The following PRKN variants were observed in gnomAD, a reference collection of about 807,000 sequenced individuals.
PRKN encodes E3 ubiquitin-protein ligase parkin.
A neutral mutation model predicts 59.5 loss-of-function variants in PRKN; 56 were observed. The observed-to-expected ratio is 0.94, with a 90% CI of 0.76 to 1.18. PRKN has a LOEUF of 1.18. Ranked by LOEUF, PRKN falls within the 50% of genes most tolerant of loss-of-function variation. The pLI is 0.00. For missense variants in PRKN, 657 were observed against 596.4 expected (o/e 1.10, Z -1.06); for synonymous variants, 250 against 222.1 (o/e 1.13, Z -1.12).
chr6:161,601,189 C>A (rs79677270), intron 7 of PRKN, among the ~76,000 whole-genome samples: 2 of 152,030 alleles, frequency 1.3e-5, no homozygotes, highest in South Asian at 2.1e-4. Context: ...CAGGCTATTA[C>A]GACAAAATAC....
intron 2 of PRKN, among the ~76,000 whole-genome samples, chr6:162,310,193 C>G (rs1367567792): frequency 1.3e-5 from 2 of 152,076 alleles, no homozygotes; most frequent in Non-Finnish European, 2.9e-5. Context: ...TTTTTGCCAC[C>G]AACTTAGGAT....
At chr6:161,779,440 C>T (rs151124091) in intron 7 of PRKN, among the ~76,000 whole-genome samples, 937 of 41,714 alleles carry the variant, frequency 0.022, 8 homozygotes, top group Non-Finnish European at 0.03. Flanking sequence ...CTTTTCTTTT[C>T]TTTTTTTTTT....
At chr6:161,964,492 A>C (rs947489291) in intron 6 of PRKN, among the ~76,000 whole-genome samples, 2 of 152,054 alleles carry the variant, frequency 1.3e-5, no homozygotes, top group African/African-American at 4.8e-5. Flanking sequence ...GGCCTGGGGC[A>C]CAGTGTGAAG....
chr6:162,422,954 C>CAAAA (rs61557917), intron 2 of PRKN, among the ~76,000 whole-genome samples: 174 of 65,678 alleles, frequency 2.6e-3, no homozygotes, highest in Non-Finnish European at 3.7e-3. Context: ...TCCAAGAGAC[C>CAAAA]AAAAAAAAAA....
At chr6:162,374,535 ATTTGTTTG>A (rs199642049) in intron 2 of PRKN, among the ~76,000 whole-genome samples, 1 of 151,224 alleles carries the variant, frequency 6.6e-6, no homozygotes, top group African/African-American at 2.4e-5. Flanking sequence ...TTATTTATTT[ATTTGTTTG>A]TTTGTTTATT....
intron 9 of PRKN, among the ~76,000 whole-genome samples, chr6:161,477,653 G>C (rs1791170577): frequency 1.3e-5 from 2 of 152,254 alleles, no homozygotes; most frequent in Middle Eastern, 6.8e-3. Flanking sequence ...AGTGTGAAAG[G>C]ATAAGTTGTT....
intron 3 of PRKN, among the ~76,000 whole-genome samples, chr6:162,248,536 C>T (rs987397677): frequency 6.6e-6 from 1 of 152,064 alleles, no homozygotes; most frequent in African/African-American, 2.4e-5. Context: ...AAGGAGTGTG[C>T]CAGATACTCT....
chr6:162,654,848 G>C (rs1313490774), intron 1 of PRKN, among the ~76,000 whole-genome samples: 1 of 152,006 alleles, frequency 6.6e-6, no homozygotes, highest in East Asian at 1.9e-4. Flanking sequence ...AGTGAAGTGG[G>C]GGGGGAAATC....
chr6:161,881,201 T>G (rs1189047086), intron 6 of PRKN, among the ~76,000 whole-genome samples: 1 of 152,120 alleles, frequency 6.6e-6, no homozygotes, highest in Non-Finnish European at 1.5e-5. Context: ...ACACATGTCA[T>G]CCTAATGCCC....
At position 161,592,767 on chromosome 6, in the gene PRKN, G is replaced by C. The variant is rs1781769785; in HGVS notation, c.872-23351C>G. Among the ~76,000 whole-genome samples the C allele has an allele frequency of 6.6e-6, 1 of 152,132 alleles. No homozygotes were observed. Among genetic ancestry groups the C allele is most frequent in the South Asian group, 2.1e-4 (1 of 4,826 alleles). ...CCAGGACCAGCACTAGGAGGACGAG[G>C]GAACACAAGCAGAGCAGACAGGTCT... On this transcript the variant is annotated intron_variant, in intron 7 of 11. Coordinates refer to ENST00000366898, the MANE Select transcript of PRKN (RefSeq NM_004562.3). The surrounding 1 kb of genome is among the most constrained non-coding windows in gnomAD (Gnocchi z 4.8).
At chr6:162,420,957 G>A (rs907898441) in intron 2 of PRKN, among the ~76,000 whole-genome samples, 9 of 152,006 alleles carry the variant, frequency 5.9e-5, no homozygotes, top group African/African-American at 1.7e-4. Flanking sequence ...CGATACAGTC[G>A]AGCTCAAAGA....
At position 161,385,078 on chromosome 6, in the gene PRKN, C is replaced by T. The variant is rs1366712758; in HGVS notation, c.1167+1716G>A. On this transcript the variant is annotated intron_variant, in intron 10 of 11. Transcript: ENST00000366898. The surrounding 1 kb of genome is among the most constrained non-coding windows in gnomAD (Gnocchi z 4.9). ...CTGAATAGCTGGGATTACAGGTGCACGCCACCACACCCAGCTAATTTTTGT... is the reference window on the plus strand; with the variant it reads ...CTGAATAGCTGGGATTACAGGTGCATGCCACCACACCCAGCTAATTTTTGT... Among the ~76,000 whole-genome samples, 7 of 152,054 alleles carry T rather than the reference C, an allele frequency of 4.6e-5. No individual in the cohort carries two copies. The highest frequency in any genetic ancestry group is 2.1e-4 in the South Asian group (1 of 4,822).
At chr6:161,867,022 G>A (rs1794137706) in intron 6 of PRKN, among the ~76,000 whole-genome samples, 1 of 152,154 alleles carries the variant, frequency 6.6e-6, no homozygotes. Context: ...AATTAGTGAG[G>A]GGCCCACATG....
intron 5 of PRKN, among the ~76,000 whole-genome samples, chr6:162,049,132 C>G (rs1777509990): frequency 6.6e-6 from 1 of 151,998 alleles, no homozygotes; most frequent in Non-Finnish European, 1.5e-5. Flanking sequence ...CAAGGGTAAA[C>G]TTTACTGCTA....
chr6:161,568,539 G>C (rs1221274628), intron 8 of PRKN, among the ~76,000 whole-genome samples: 1 of 152,202 alleles, frequency 6.6e-6, no homozygotes, highest in African/African-American at 2.4e-5. Context: ...CTTGCAGTGA[G>C]CTGAGATCAT....
intron 10 of PRKN, among the ~76,000 whole-genome samples, chr6:161,381,073 T>C (rs1017665693): frequency 6.6e-6 from 1 of 152,172 alleles, no homozygotes; most frequent in African/African-American, 2.4e-5. Context: ...CAGAAGAAAA[T>C]GAAATTTATC....
chr6:161,438,009 G>A (rs148562733), intron 9 of PRKN, among the ~76,000 whole-genome samples: 1 of 152,162 alleles, frequency 6.6e-6, no homozygotes, highest in African/African-American at 2.4e-5. Context: ...ATCCTCATCC[G>A]TTTAAATACA....
In PRKN at chr6:161,498,551, T is replaced by C. The variant is rs1294917678; in HGVS notation, c.1083+50303A>G. ...AATGCCTTGTTTGGCCAATGAAATG[T>C]GGGTGGCAATGACATGTGTAACTTG... On this transcript the variant is annotated intron_variant, in intron 9 of 11. Transcript: ENST00000366898. The surrounding 1 kb of genome is among the most constrained non-coding windows in gnomAD (Gnocchi z 4.2). 6.6e-6 allele frequency among the ~76,000 whole-genome samples: 1 copy of C among 152,156 alleles called. No homozygotes were observed. The highest frequency in any genetic ancestry group is 1.5e-5 in the Non-Finnish European group (1 of 68,038).
intron 6 of PRKN, among the ~76,000 whole-genome samples, chr6:161,967,579 T>C (rs1434006900): frequency 1.3e-5 from 2 of 152,214 alleles, no homozygotes; most frequent in African/African-American, 4.8e-5. Flanking sequence ...TATCAGTCTC[T>C]TACTATATAG....
Sources: allele counts gnomAD v4.1 joint callset (sites outside exome capture counted in the v4.1 genomes callset), GRCh38; gene constraint gnomAD v4.1.1; non-coding constraint Gnocchi (gnomAD v3.1); transcripts MANE v1.5; gene names NCBI Gene and HGNC (gene_info 2026-07-23, HGNC 2026-07-21).